Variants in EXOG observed in about 807,000 individuals in gnomAD.
EXOG encodes the protein nuclease EXOG, mitochondrial.
EXOG carries 27 observed loss-of-function variants against 25.8 expected under a neutral mutation model. The observed-to-expected ratio is 1.05, with a 90% CI of 0.77 to 1.45. The LOEUF (loss-of-function observed/expected upper bound fraction) is 1.45. EXOG is among the 40% of genes most tolerant of loss of function. The pLI, the probability that EXOG is intolerant of heterozygous loss-of-function variation, is 0.00. For missense variants in EXOG, 458 were observed against 450.5 expected, an observed-to-expected ratio of 1.02 and a Z score of -0.15; for synonymous variants, 133 against 167.0, an observed-to-expected ratio of 0.80 and a Z score of 1.57.
intron 5 of EXOG, among the ~76,000 whole-genome samples, chr3:38,520,279 A>G (rs1455019319): frequency 6.6e-6 from 1 of 152,130 alleles, no homozygotes; most frequent in Non-Finnish European, 1.5e-5. Context: ...TAAGAAAACT[A>G]GCTTCAGGTT....
chr3:38,498,384 G>T (rs899523311), intron 2 of EXOG, among the ~76,000 whole-genome samples: 2 of 151,988 alleles, frequency 1.3e-5, no homozygotes, highest in South Asian at 4.2e-4. Context: ...GCAAAACCGC[G>T]TTTCTACAAA....
intron 5 of EXOG, among the ~76,000 whole-genome samples, chr3:38,520,291 C>T (rs969931482): frequency 5.3e-5 from 8 of 152,100 alleles, no homozygotes; most frequent in African/African-American, 1.7e-4. Context: ...CTTCAGGTTG[C>T]GAATGAGTGC....
At chr3:38,500,862 G>A (rs999901989) in intron 2 of EXOG, among the ~76,000 whole-genome samples, 2 of 152,168 alleles carry the variant, frequency 1.3e-5, no homozygotes, top group African/African-American at 4.8e-5. Context: ...GAGGCAGTAA[G>A]CAAGATATCA....
chr3:38,510,445 C>T (rs2060333451), intron 5 of EXOG, among the ~76,000 whole-genome samples: 1 of 151,956 alleles, frequency 6.6e-6, no homozygotes, highest in Non-Finnish European at 1.5e-5. Context: ...TAAAATTGTT[C>T]TGTGATATGT....
intron 5 of EXOG, among the ~76,000 whole-genome samples, chr3:38,513,035 CA>C (rs1438026204): frequency 7.2e-5 from 11 of 152,180 alleles, no homozygotes; most frequent in Admixed American, 4.6e-4. Flanking sequence ...TTCCTGGCCT[CA>C]AGTAGTCCTC....
chr3:38,502,868 TTGGTGATTATGTCATTAAGA>T (rs1204268077), intron 3 of EXOG, among the ~76,000 whole-genome samples: 3 of 152,194 alleles, frequency 2.0e-5, no homozygotes, highest in African/African-American at 4.8e-5. Context: ...GCGTAAACTA[TTGGTGATTATGTCATTAAGA>T]TAGTAATTCT....
chr3:38,508,720 C>A (rs969188452), intron 5 of EXOG, among the ~76,000 whole-genome samples: 1 of 149,466 alleles, frequency 6.7e-6, no homozygotes, highest in East Asian at 2.0e-4. Flanking sequence ...CACCCCCCCC[C>A]CAAAAAAAAA....
Position 38,496,708 on chromosome 3 carries a change from C to T in EXOG, c.163+178C>T, listed in dbSNP as rs192044476. Reference sequence around the variant, plus strand: ...GGCCTCCCTTCCCCACCTCGCGTCTCGCCAGCTTCCCTCATGTCCTTCCTT... The same window carrying T: ...GGCCTCCCTTCCCCACCTCGCGTCTTGCCAGCTTCCCTCATGTCCTTCCTT... On this transcript the variant is annotated intron_variant, in intron 1 of 5. Transcript: ENST00000287675. 2.5e-3 allele frequency: 3,572 copies of T among 1,444,404 alleles called. 6 individuals carry two copies. The highest frequency in any genetic ancestry group is 2.9e-3 in the Non-Finnish European group (3,144 of 1,101,920). The allele number at this position is 1,444,404 out of a possible 1,614,324, so 89.5% of individuals were successfully genotyped here. A position where few individuals can be genotyped will look rare whatever the true frequency, so the allele number is the denominator to read the frequency against.
intron 2 of EXOG, chr3:38,500,006 CCCTT>C (rs2059999607): frequency 4.8e-6 from 1 of 207,154 alleles, no homozygotes; most frequent in Admixed American, 5.3e-5. Context: ...GTGTAGGAGA[CCCTT>C]CCTGTGTTAC....
intron 5 of EXOG, among the ~76,000 whole-genome samples, chr3:38,514,091 A>C (rs2060456981): frequency 6.6e-6 from 1 of 152,256 alleles, no homozygotes; most frequent in Non-Finnish European, 1.5e-5. Flanking sequence ...CAGCGTAAGC[A>C]TGAGGAGGAG....
In EXOG at chr3:38,525,474, C is replaced by T. The variant is rs750286443; in HGVS notation, c.*1112C>T. 10 of 985,388 alleles carry T rather than the reference C, an allele frequency of 1.0e-5. No homozygotes were observed. Among genetic ancestry groups the T allele is most frequent in the African/African-American group, 3.5e-5 (2 of 57,348 alleles). The allele number at this position is 985,388 out of a possible 1,614,324, so 61.0% of individuals were successfully genotyped here. On this transcript the variant is annotated 3_prime_UTR_variant, in exon 6 of 6. Coordinates refer to ENST00000287675, the MANE Select transcript of EXOG (RefSeq NM_005107.4). ...GTTCTTTGAATTGAACCCTCCTTAG[C>T]TCTGTGGAAAGAGACAGTCAGGAAT... is the stretch of plus-strand genomic sequence containing the variant.
chr3:38,506,990 G>A lies in EXOG; in HGVS notation c.645+22G>A, dbSNP rs779367819. 11 of 997,938 alleles carry A rather than the reference G, an allele frequency of 1.1e-5. 1 individual carries two copies. Among genetic ancestry groups the A allele is most frequent in the South Asian group, 2.6e-5 (2 of 75,984 alleles). 61.8% of individuals were successfully genotyped at this position (997,938 alleles called of 1,614,324 possible). On this transcript the variant is annotated intron_variant, in intron 5 of 5. Coordinates refer to ENST00000287675, the MANE Select transcript of EXOG (RefSeq NM_005107.4). ...CCAGGTAAGGATGTTTAATAGTCAG[G>A]TTTATGTTATCTGTATGAGATTATA...
In EXOG at chr3:38,523,929, C is replaced by T. The variant is rs750867206; in HGVS notation, c.674C>T (p.Pro225Leu). ...ATTGGCGAGGACAACGTGGCAGTCC[C>T]CTCACACCTTTATAAGGTAATCCTG... is the stretch of plus-strand genomic sequence containing the variant. ...QVIGEDNVAV[P>L]SHLYKVILAR... Residue 225 changes from proline (P) to leucine (L), a missense_variant, in exon 6 of 6, where the codon CCC (proline) becomes CTC (leucine). Coordinates refer to ENST00000287675, the MANE Select transcript of EXOG (RefSeq NM_005107.4). 1 of 1,572,488 alleles carries T rather than the reference C, an allele frequency of 6.4e-7. No individual in the cohort carries two copies. The highest frequency in any genetic ancestry group is 8.6e-7 in the Non-Finnish European group (1 of 1,159,234).
intron 5 of EXOG, among the ~76,000 whole-genome samples, chr3:38,507,544 T>G (rs2060239268): frequency 6.6e-6 from 1 of 152,210 alleles, no homozygotes; most frequent in African/African-American, 2.4e-5. Flanking sequence ...TGAGATAATA[T>G]GCGACTTTCT....
intron 5 of EXOG, chr3:38,515,773 C>A: frequency 6.5e-6 from 1 of 154,990 alleles, no homozygotes; most frequent in South Asian, 1.8e-4. Context: ...AGCCATTTCT[C>A]CAACCCTGCA....
At chr3:38,496,814 A>G (rs1313913232) in intron 1 of EXOG, 8 of 1,399,660 alleles carry the variant, frequency 5.7e-6, no homozygotes, top group Non-Finnish European at 7.5e-6. Context: ...CGCGATATCT[A>G]TGTTTTAATG....
chr3:38,514,102 A>G (rs2060457662), intron 5 of EXOG, among the ~76,000 whole-genome samples: 1 of 152,198 alleles, frequency 6.6e-6, no homozygotes, highest in African/African-American at 2.4e-5. Flanking sequence ...TGAGGAGGAG[A>G]AGAAGGTAAA....
At chr3:38,523,627 C>CA (rs1366403133) in intron 5 of EXOG, among the ~76,000 whole-genome samples, 11 of 152,098 alleles carry the variant, frequency 7.2e-5, no homozygotes, top group African/African-American at 2.7e-4. Context: ...CTTGGCGTCC[C>CA]AAAGTGCTGG....
intron 5 of EXOG, 66 bp downstream of exon 5, chr3:38,507,034 CT>C: frequency 1.4e-6 from 1 of 703,170 alleles, no homozygotes; most frequent in Non-Finnish European, 2.4e-6. Context: ...TTCCATTCTG[CT>C]TTTTATTTTT....
Sources: gnomAD v4.1 joint callset for allele counts (sites outside exome capture counted in the v4.1 genomes callset) on GRCh38, gnomAD v4.1.1 for gene constraint, MANE v1.5 for transcripts, NCBI Gene and HGNC (gene_info 2026-07-23, HGNC 2026-07-21) for gene names.